RASL12: variants seen among roughly 807,000 people sequenced by gnomAD.
RASL12 encodes ras-like protein family member 12.
In RASL12, 16 loss-of-function variants were observed where a neutral mutation model predicts 22.9. The observed-to-expected ratio is 0.70, with a 90% confidence interval of 0.47 to 1.06. The LOEUF (loss-of-function observed/expected upper bound fraction) is 1.06, where lower values mean the gene tolerates loss of function less well. Among genes scored for constraint, RASL12 ranks in the 50% least tolerant of loss-of-function variants. The pLI, the probability that RASL12 is intolerant of heterozygous loss-of-function variation, is 0.00. For missense variants in RASL12, 306 were observed against 353.1 expected (o/e 0.87, Z 1.07); for synonymous variants, 159 against 152.2 (o/e 1.04, Z -0.33).
chr15:65,061,822 G>A (rs1213465401), intron 2 of RASL12, among the ~76,000 whole-genome samples: 1 of 151,836 alleles, frequency 6.6e-6, no homozygotes, highest in Admixed American at 6.6e-5. Flanking sequence ...GGCCAAGGTG[G>A]GCGGATCACA....
chr15:65,060,109 A>G (rs372003119), intron 2 of RASL12, among the ~76,000 whole-genome samples: 39 of 152,326 alleles, frequency 2.6e-4, no homozygotes, highest in African/African-American at 8.7e-4. Context: ...AACAGTTTCC[A>G]AGCCTTTCCT....
intron 1 of RASL12, 85 bp from the exon 2 acceptor site, chr15:65,065,358 C>T: frequency 1.6e-6 from 2 of 1,249,152 alleles, no homozygotes; most frequent in South Asian, 1.3e-5. Context: ...CTTATCTAAC[C>T]TCTGTGATCC....
intron 2 of RASL12, among the ~76,000 whole-genome samples, chr15:65,060,721 G>A (rs1392668740): frequency 1.3e-5 from 2 of 152,126 alleles, no homozygotes; most frequent in Admixed American, 6.5e-5. Context: ...AACTGGGGTG[G>A]TCTCTGCCTT....
downstream of RASL12, chr15:65,049,229 G>A (rs1361221919): frequency 6.6e-6 from 1 of 151,104 alleles, no homozygotes; most frequent in African/African-American, 2.4e-5. Context: ...TAATAGTTGG[G>A]ATGGAAATAG....
At position 65,054,897 on chromosome 15, in the gene RASL12, C is replaced by T. The variant is rs767405770; in HGVS notation, c.*2G>A. 3.7e-6 allele frequency: 6 copies of T among 1,606,684 alleles called. No individual in the cohort carries two copies. In the South Asian group the frequency reaches 5.5e-5, roughly 15 times the overall value. ...GAGCCTAGGCTTCCTGGGGAGGGGGCCTCAGAAGATCTTGAAGCCCTTCAG... is the reference window on the plus strand; with the variant it reads ...GAGCCTAGGCTTCCTGGGGAGGGGGTCTCAGAAGATCTTGAAGCCCTTCAG... On this transcript the variant is annotated 3_prime_UTR_variant, in exon 5 of 5. Coordinates refer to ENST00000220062, the MANE Select transcript of RASL12 (RefSeq NM_016563.4).
downstream of RASL12, chr15:65,049,679 A>G (rs1165440758): frequency 5.5e-6 from 1 of 182,460 alleles, no homozygotes; most frequent in Admixed American, 6.2e-5. Flanking sequence ...AGTCCTCCTC[A>G]CTCCCAGAAC....
Position 65,067,958 on chromosome 15 carries a change from G to C in RASL12, c.-123C>G. 1 of 1,192,102 alleles carries C rather than the reference G, an allele frequency of 8.4e-7. No homozygotes were observed. The highest frequency in any genetic ancestry group is 3.6e-5 in the East Asian group (1 of 27,672). 73.8% of individuals were successfully genotyped at this position (1,192,102 alleles called of 1,614,324 possible). ...GGAGCGCGCGGCCCCGGACCCGTCG[G>C]CGTCCGCGCCCTCGGCCCCGCGTCC... is the stretch of plus-strand genomic sequence containing the variant. On this transcript the variant is annotated 5_prime_UTR_variant, in exon 1 of 5. Transcript: ENST00000220062.
upstream of RASL12, among the ~76,000 whole-genome samples, chr15:65,072,524 G>A (rs2086938975): frequency 6.6e-6 from 1 of 152,142 alleles, no homozygotes; most frequent in South Asian, 2.1e-4. Flanking sequence ...GGTAAGGATG[G>A]GGAGCTAAAC....
chr15:65,071,546 G>A (rs138893045), upstream of RASL12, among the ~76,000 whole-genome samples: 63 of 152,132 alleles, frequency 4.1e-4, no homozygotes, highest in African/African-American at 1.4e-3. Context: ...TTGGATGACC[G>A]TCTCCCCACT....
chr15:65,071,834 C>A (rs1263627657), upstream of RASL12, among the ~76,000 whole-genome samples: 1 of 152,134 alleles, frequency 6.6e-6, no homozygotes, highest in Non-Finnish European at 1.5e-5. Flanking sequence ...TCCAGCCCTG[C>A]CCCCAGCAGA....
At position 65,053,483 on chromosome 15, in the gene RASL12, G is replaced by A; in HGVS notation, c.*1416C>T. ...AGTGCAAAATCCGTAGCTGGCCTGT[G>A]GGTCGGGAAGCCTGTAGGACTGCAA... is the stretch of plus-strand genomic sequence containing the variant. On this transcript the variant is annotated 3_prime_UTR_variant, in exon 5 of 5. Coordinates refer to ENST00000220062, the MANE Select transcript of RASL12 (RefSeq NM_016563.4). The A allele has an allele frequency of 8.8e-7, 1 of 1,136,878 alleles. No individual in the cohort carries two copies. The highest frequency in any genetic ancestry group is 1.1e-6 in the Non-Finnish European group (1 of 924,586). The allele number at this position is 1,136,878 out of a possible 1,614,324, so 70.4% of individuals were successfully genotyped here.
chr15:65,073,267 A>G (rs1351754258), intron 1 of RASL12, among the ~76,000 whole-genome samples: 2 of 152,170 alleles, frequency 1.3e-5, no homozygotes, highest in Non-Finnish European at 1.5e-5. Flanking sequence ...TTTTATTTCT[A>G]TTATTATTAT....
Position 65,053,999 on chromosome 15 carries a change from G to A in RASL12, c.*900C>T. 1 of 985,892 alleles carries A rather than the reference G, an allele frequency of 1.0e-6. No homozygotes were observed. Among genetic ancestry groups the A allele is most frequent in the Non-Finnish European group, 1.2e-6 (1 of 829,948 alleles). The allele number at this position is 985,892 out of a possible 1,614,324, so 61.1% of individuals were successfully genotyped here. ...GGTCCTGGGTCCTGCCAAACCAGAT[G>A]ACAAACGGGTATACTGTGTTTCTAC... On this transcript the variant is annotated 3_prime_UTR_variant, in exon 5 of 5. Transcript: ENST00000220062.
chr15:65,074,810 G>A (rs941212393), intron 1 of RASL12, among the ~76,000 whole-genome samples: 5 of 152,248 alleles, frequency 3.3e-5, no homozygotes, highest in African/African-American at 7.2e-5. Flanking sequence ...GCGCCCGCAC[G>A]CTGCAGGTGC....
downstream of RASL12, among the ~76,000 whole-genome samples, chr15:65,050,836 C>CTTTTTTTTTTTTTTTTT (rs57404080): frequency 2.1e-5 from 2 of 95,650 alleles, no homozygotes; most frequent in Non-Finnish European, 3.7e-5. Flanking sequence ...TCTTCTTCTT[C>CTTTTTTTTTTTTTTTTT]TTTTTTTTTT....
chr15:65,062,743 C>T (rs976030918), intron 2 of RASL12, among the ~76,000 whole-genome samples: 2 of 152,172 alleles, frequency 1.3e-5, no homozygotes, highest in Admixed American at 1.3e-4. Context: ...AGTTGTTTTA[C>T]CAGCATTGCT....
rs1434360544 is a variant in RASL12, at chr15:65,053,909, G to T, written c.*990C>A. 2 of 985,700 alleles carry T rather than the reference G, an allele frequency of 2.0e-6. No individual in the cohort carries two copies. Among genetic ancestry groups the T allele is most frequent in the East Asian group, 2.3e-4 (2 of 8,836 alleles). 61.1% of individuals were successfully genotyped at this position (985,700 alleles called of 1,614,324 possible). A position where few individuals can be genotyped will look rare whatever the true frequency, so the allele number is the denominator to read the frequency against. On this transcript the variant is annotated 3_prime_UTR_variant, in exon 5 of 5. Coordinates refer to ENST00000220062, the MANE Select transcript of RASL12 (RefSeq NM_016563.4). ...CACCAAATAACATAAGCAAAATTTT[G>T]CTTTATTAACCCAAAATGCTTTAGG...
chr15:65,053,021 G>A, downstream of RASL12: 5 of 1,613,902 alleles, frequency 3.1e-6, no homozygotes, highest in Non-Finnish European at 3.4e-6. Context: ...GCATTTGGAT[G>A]AGGCCAAGGA....
At chr15:65,076,604 C>T (rs1466635626) in exon 1 of RASL12, 8 of 704,668 alleles carry the variant, frequency 1.1e-5, no homozygotes, top group South Asian at 1.0e-4. Context: ...ACCATTTCTT[C>T]TAAGGATATG....
Sources: allele counts gnomAD v4.1 joint callset (sites outside exome capture counted in the v4.1 genomes callset), GRCh38; gene constraint gnomAD v4.1.1; transcripts MANE v1.5; gene names NCBI Gene and HGNC (gene_info 2026-07-23, HGNC 2026-07-21).